The following LAMA4 variants were observed in gnomAD, a reference collection of about 807,000 sequenced individuals.
The protein encoded by LAMA4 is laminin subunit alpha-4.
LAMA4 carries 127 observed loss-of-function variants against 207.1 expected under a neutral mutation model. That is an observed-to-expected ratio of 0.61 (90% CI 0.53 to 0.71). The LOEUF (loss-of-function observed/expected upper bound fraction) is 0.71, where lower values mean the gene tolerates loss of function less well. LAMA4 is among the 30% of genes least tolerant of loss of function. The pLI is 0.00. For missense variants in LAMA4, 2,093 were observed against 2,246.5 expected (o/e 0.93, Z 1.38); for synonymous variants, 761 against 816.0 (o/e 0.93, Z 1.15).
chr6:112,246,520 C>CTTT (rs11364561), intron 2 of LAMA4, among the ~76,000 whole-genome samples: 4 of 127,836 alleles, frequency 3.1e-5, no homozygotes, highest in Non-Finnish European at 5.0e-5. Flanking sequence ...ATCAAAGCTG[C>CTTT]TTTTTTTTTT....
At chr6:112,227,944 G>A (rs919576865) in intron 2 of LAMA4, among the ~76,000 whole-genome samples, 4 of 152,142 alleles carry the variant, frequency 2.6e-5, no homozygotes, top group African/African-American at 7.2e-5. Flanking sequence ...TTAAGGCAGA[G>A]GTAAAAGATC....
At chr6:112,134,899 G>C (rs1039563149) in intron 25 of LAMA4, among the ~76,000 whole-genome samples, 1 of 147,356 alleles carries the variant, frequency 6.8e-6, no homozygotes, top group African/African-American at 2.5e-5. Flanking sequence ...CCTTCTGAGA[G>C]GATTCAGGAA....
intron 38 of LAMA4, among the ~76,000 whole-genome samples, chr6:112,113,079 G>C (rs1562620652): frequency 6.6e-6 from 1 of 152,116 alleles, no homozygotes; most frequent in Non-Finnish European, 1.5e-5. Flanking sequence ...CAGTTAGATA[G>C]AAGGAATAAT....
chr6:112,159,007 T>C (rs1019936980), intron 13 of LAMA4, 127 bp from the exon 14 acceptor site: 2 of 696,234 alleles, frequency 2.9e-6, no homozygotes, highest in African/African-American at 3.6e-5. Context: ...CAGGACCACA[T>C]AAGTCTAAAA....
chr6:112,213,030 T>C (rs781890269), intron 3 of LAMA4, among the ~76,000 whole-genome samples: 1 of 152,208 alleles, frequency 6.6e-6, no homozygotes, highest in Non-Finnish European at 1.5e-5. Context: ...GCCTTCAATA[T>C]ATTGGATTGC....
intron 6 of LAMA4, 125 bp downstream of exon 6, chr6:112,191,511 T>A: frequency 1.4e-6 from 1 of 734,472 alleles, no homozygotes. Context: ...AGAATGTACA[T>A]TGCCCTGGGA....
At position 112,175,339 on chromosome 6, in the gene LAMA4, T is replaced by C. The variant is rs200337032; in HGVS notation, c.1331A>G (p.Asp444Gly). The C allele has an allele frequency of 2.5e-6, 4 of 1,614,170 alleles. No individual in the cohort carries two copies. The highest frequency in any genetic ancestry group is 1.3e-5 in the African/African-American group (1 of 75,060). The stretch of plus-strand genomic sequence containing the variant: ...TTCGTAAGCCTCATCTGCCTCCTCA[T>C]CCACGAGCTCCCGTTGGGTGAAAAA... Reference protein sequence around the residue: ...QPFFTQRELVDEEADEAYELL... With the variant: ...QPFFTQRELVGEEADEAYELL... The change falls in exon 11 of 39, where the codon GAT (aspartate) becomes GGT (glycine). Residue 444 changes from aspartate (D) to glycine (G), a missense_variant. Around this residue, in one of 3 missense-constraint regions of LAMA4, gnomAD observed 1,704 missense variants for 1,788.4 expected, o/e 0.95. Coordinates refer to ENST00000230538, the MANE Select transcript of LAMA4 (RefSeq NM_001105206.3).
intron 2 of LAMA4, among the ~76,000 whole-genome samples, chr6:112,239,534 C>T (rs781855704): frequency 3.3e-5 from 5 of 152,122 alleles, no homozygotes; most frequent in African/African-American, 4.8e-5. Flanking sequence ...TATTCTCACA[C>T]ATTCCCCCAT....
chr6:112,186,251 G>A (rs1279739821), intron 8 of LAMA4, among the ~76,000 whole-genome samples: 3 of 152,038 alleles, frequency 2.0e-5, no homozygotes, highest in Non-Finnish European at 4.4e-5. Context: ...TAATTATTCA[G>A]GAAACTGAGG....
intron 2 of LAMA4, among the ~76,000 whole-genome samples, chr6:112,225,254 T>C (rs1554362046): frequency 6.6e-6 from 1 of 152,194 alleles, no homozygotes; most frequent in East Asian, 1.9e-4. Context: ...GCACCTGAAG[T>C]TGAGTGTGTC....
chr6:112,145,476 G>A (rs879964293), intron 18 of LAMA4, among the ~76,000 whole-genome samples: 1 of 152,238 alleles, frequency 6.6e-6, no homozygotes, highest in Non-Finnish European at 1.5e-5. Context: ...AGAAAGTTAA[G>A]CTGCTAACCC....
chr6:112,214,062 G>C (rs367824608), intron 3 of LAMA4: 2 of 760,040 alleles, frequency 2.6e-6, no homozygotes, highest in Admixed American at 3.6e-5. Flanking sequence ...GGTCTTCTCC[G>C]TCAGTAGTCT....
intron 4 of LAMA4, among the ~76,000 whole-genome samples, chr6:112,203,902 C>T (rs1783906791): frequency 6.6e-6 from 1 of 152,176 alleles, no homozygotes; most frequent in Non-Finnish European, 1.5e-5. Flanking sequence ...TAAGTCCCTT[C>T]AGTGCTCCTT....
chr6:112,115,778 G>T, intron 36 of LAMA4, 85 bp downstream of exon 36: 2 of 1,362,996 alleles, frequency 1.5e-6, no homozygotes, highest in Non-Finnish European at 2.1e-6. Context: ...AAAGATTGAT[G>T]AAATAATTCT....
intron 2 of LAMA4, among the ~76,000 whole-genome samples, chr6:112,233,594 AC>A (rs1785696862): frequency 6.6e-6 from 1 of 152,212 alleles, no homozygotes. Context: ...GCAAGAGATT[AC>A]TTTTAACATA....
intron 30 of LAMA4, 137 bp from the exon 31 acceptor site, chr6:112,129,212 TG>T: frequency 1.4e-6 from 1 of 718,248 alleles, no homozygotes; most frequent in East Asian, 2.7e-5. Context: ...GTATGTGTGA[TG>T]GGTCCTTACC....
At chr6:112,187,730 T>C in intron 7 of LAMA4, 129 bp from the exon 8 acceptor site, 1 of 954,184 alleles carries the variant, frequency 1.0e-6, no homozygotes, top group South Asian at 1.4e-5. Context: ...AGAGCTGTAA[T>C]TCTATTCTTG....
chr6:112,149,774 C>T (rs1213657870), intron 17 of LAMA4, among the ~76,000 whole-genome samples: 2 of 152,170 alleles, frequency 1.3e-5, no homozygotes, highest in East Asian at 1.9e-4. Flanking sequence ...ATTCTGATGA[C>T]GGTGATGATG....
chr6:112,155,429 G>A (rs1780650046), intron 15 of LAMA4, 136 bp downstream of exon 15: 2 of 920,368 alleles, frequency 2.2e-6, no homozygotes, highest in African/African-American at 1.6e-5. Context: ...TCATGAAATG[G>A]TCTTCCCTTA....
Sources: gnomAD v4.1 joint callset for allele counts (sites outside exome capture counted in the v4.1 genomes callset) on GRCh38, gnomAD v4.1.1 for gene constraint, gnomAD v4.1.1 regional missense constraint, MANE v1.5 for transcripts, NCBI Gene and HGNC (gene_info 2026-07-23, HGNC 2026-07-21) for gene names.